The following ALK variants were observed in gnomAD, a reference collection of about 807,000 sequenced individuals.
The protein encoded by ALK is ALK receptor tyrosine kinase, also known as ALK tyrosine kinase receptor.
ALK carries 74 observed loss-of-function variants against 163.1 expected under a neutral mutation model. The observed-to-expected ratio is 0.45, with a 90% CI of 0.38 to 0.55. The LOEUF (loss-of-function observed/expected upper bound fraction) is 0.55. Ranked by LOEUF, ALK falls within the 20% of genes least tolerant of loss-of-function variation. The probability of loss-of-function intolerance (pLI) is 0.00; values close to 1 mark genes in which losing one functional copy is unlikely to be tolerated. For synonymous variants in ALK, 960 were observed against 843.2 expected (o/e 1.14, Z -2.40); for missense variants, 2,063 against 2,105.3 (o/e 0.98, Z 0.39).
chr2:29,554,089 A>G (rs1325474753), intron 3 of ALK, among the ~76,000 whole-genome samples: 1 of 152,166 alleles, frequency 6.6e-6, no homozygotes, highest in Non-Finnish European at 1.5e-5. Flanking sequence ...TTGCCTTTTT[A>G]TATTTATGAA....
chr2:29,839,528 T>C (rs141870862), intron 1 of ALK, among the ~76,000 whole-genome samples: 49 of 152,300 alleles, frequency 3.2e-4, no homozygotes, highest in East Asian at 3.1e-3. Context: ...GGTATCTTTA[T>C]GGAAATTTCA....
At chr2:29,600,423 AG>A (rs1675350920) in intron 3 of ALK, among the ~76,000 whole-genome samples, 1 of 152,278 alleles carries the variant, frequency 6.6e-6, no homozygotes, top group Non-Finnish European at 1.5e-5. Context: ...GTTATCAAAG[AG>A]AAAACACATA....
intron 1 of ALK, among the ~76,000 whole-genome samples, chr2:29,747,995 A>G (rs1680251049): frequency 6.6e-6 from 1 of 152,178 alleles, no homozygotes; most frequent in Non-Finnish European, 1.5e-5. Context: ...TGAATCCTAA[A>G]TCTCTGCTTC....
At chr2:29,615,275 G>A (rs1043906331) in intron 3 of ALK, among the ~76,000 whole-genome samples, 5 of 151,972 alleles carry the variant, frequency 3.3e-5, no homozygotes, top group African/African-American at 1.2e-4. Context: ...GACAGCCCCC[G>A]CACCCCTGAC....
intron 3 of ALK, among the ~76,000 whole-genome samples, chr2:29,625,549 T>C (rs1676168196): frequency 6.6e-6 from 1 of 152,150 alleles, no homozygotes; most frequent in Non-Finnish European, 1.5e-5. Context: ...AACCAAGCAG[T>C]AAGTAGTGTA....
chr2:29,279,493 G>A (rs528099308), intron 9 of ALK, among the ~76,000 whole-genome samples: 11 of 152,266 alleles, frequency 7.2e-5, no homozygotes, highest in East Asian at 5.8e-4. Context: ...AGCAGAGGCC[G>A]TCTAGGAATG....
intron 4 of ALK, among the ~76,000 whole-genome samples, chr2:29,427,064 A>T (rs1274367386): frequency 6.8e-6 from 1 of 148,080 alleles, no homozygotes. Context: ...AAAAAAAAAA[A>T]GCTGTTACAT....
intron 4 of ALK, among the ~76,000 whole-genome samples, chr2:29,509,907 T>A (rs1672462385): frequency 6.6e-6 from 1 of 152,160 alleles, no homozygotes; most frequent in Non-Finnish European, 1.5e-5. Context: ...TTAGCAATTG[T>A]GATCTGTTTG....
At chr2:29,402,011 C>T (rs1045094114) in intron 4 of ALK, among the ~76,000 whole-genome samples, 7 of 152,180 alleles carry the variant, frequency 4.6e-5, no homozygotes, top group East Asian at 1.9e-4. Context: ...CTCTGAGGGC[C>T]GGGCTGGTGG....
chr2:29,873,773 A>C (rs1666634925), intron 1 of ALK, among the ~76,000 whole-genome samples: 1 of 151,926 alleles, frequency 6.6e-6, no homozygotes, highest in Non-Finnish European at 1.5e-5. Flanking sequence ...TCTGATATGA[A>C]AATGCCACCA....
intron 3 of ALK, among the ~76,000 whole-genome samples, chr2:29,582,641 G>A (rs142569988): frequency 4.6e-4 from 70 of 152,274 alleles, no homozygotes; most frequent in Non-Finnish European, 6.2e-4. Context: ...CAGTCATTCC[G>A]AGGAACAGGA....
At chr2:29,889,744 AGAGAGAG>A (rs1244602315) in intron 1 of ALK, among the ~76,000 whole-genome samples, 6 of 102,410 alleles carry the variant, frequency 5.9e-5, no homozygotes, top group African/African-American at 2.2e-4. Flanking sequence ...AGAGAGAGAG[AGAGAGAG>A]AGAGAGAGAA....
chr2:29,405,920 C>T (rs1027362041), intron 4 of ALK, among the ~76,000 whole-genome samples: 14 of 152,196 alleles, frequency 9.2e-5, no homozygotes, highest in African/African-American at 3.1e-4. Flanking sequence ...CAGAATGATG[C>T]CTGGGTTGGT....
At chr2:29,737,036 T>G (rs1465279021) in intron 1 of ALK, among the ~76,000 whole-genome samples, 1 of 152,156 alleles carries the variant, frequency 6.6e-6, no homozygotes, top group Non-Finnish European at 1.5e-5. Context: ...ATAGGTTGCA[T>G]ATACTTTGGG....
At chr2:29,272,717 G>T (rs1397221923) in intron 11 of ALK, among the ~76,000 whole-genome samples, 1 of 152,194 alleles carries the variant, frequency 6.6e-6, no homozygotes, top group African/African-American at 2.4e-5. Flanking sequence ...CTGTCTCCTC[G>T]ATTGTTTGTC....
chr2:29,506,248 T>A (rs1384496350), intron 4 of ALK, among the ~76,000 whole-genome samples: 1 of 152,214 alleles, frequency 6.6e-6, no homozygotes, highest in Non-Finnish European at 1.5e-5. Context: ...TTCTGCATGG[T>A]TCTTGCTTTT....
intron 4 of ALK, among the ~76,000 whole-genome samples, chr2:29,507,534 T>A (rs1164635938): frequency 6.6e-6 from 1 of 152,228 alleles, no homozygotes; most frequent in Non-Finnish European, 1.5e-5. Flanking sequence ...GTAAATTTTA[T>A]GTGCATTTTA....
intron 4 of ALK, among the ~76,000 whole-genome samples, chr2:29,469,038 A>T (rs372141153): frequency 1.3e-5 from 2 of 152,248 alleles, no homozygotes; most frequent in East Asian, 1.9e-4. Context: ...ATAATGGAAC[A>T]CTAGGCATAA....
At chr2:29,349,914 C>T (rs1668066051) in intron 5 of ALK, among the ~76,000 whole-genome samples, 1 of 152,174 alleles carries the variant, frequency 6.6e-6, no homozygotes, top group Non-Finnish European at 1.5e-5. Context: ...TCAGGAGACA[C>T]CTGGCTGGGA....
Sources: allele counts gnomAD v4.1 joint callset (sites outside exome capture counted in the v4.1 genomes callset), GRCh38; gene constraint gnomAD v4.1.1; transcripts MANE v1.5; gene names NCBI Gene and HGNC (gene_info 2026-07-23, HGNC 2026-07-21).